Variants in ARID3B observed in about 807,000 individuals in gnomAD.
ARID3B encodes the protein AT-rich interactive domain-containing protein 3B.
A neutral mutation model predicts 51.9 loss-of-function variants in ARID3B; 10 were observed. The ratio of observed to expected loss-of-function variants is 0.19; its 90% CI spans 0.12 to 0.33. ARID3B has a LOEUF of 0.33. Ranked by LOEUF, ARID3B falls within the 10% of genes least tolerant of loss-of-function variation. The pLI, the probability that ARID3B is intolerant of heterozygous loss-of-function variation, is 1.00. For synonymous variants in ARID3B, 205 were observed against 279.5 expected, an observed-to-expected ratio of 0.73 and a Z score of 2.66; for missense variants, 483 against 716.3, an observed-to-expected ratio of 0.67 and a Z score of 3.72.
Position 74,569,157 on chromosome 15 carries a change from G to C in ARID3B, c.553-3705G>C, listed in dbSNP as rs374489966. Among the ~76,000 whole-genome samples, 13 of 152,184 alleles carry C rather than the reference G, an allele frequency of 8.5e-5. No homozygotes were observed. In the East Asian group the frequency reaches 1.5e-3, roughly 18 times the overall value. ...CAAGAAACCTGCTGCACACAAACTT[G>C]AATTGCATAAGTGAGCCATGTTTTA... On this transcript the variant is annotated intron_variant, in intron 2 of 8. Coordinates refer to ENST00000346246, the MANE Select transcript of ARID3B (RefSeq NM_006465.4).
At chr15:74,584,908 G>T (rs149420566) in intron 4 of ARID3B, among the ~76,000 whole-genome samples, 1 of 152,274 alleles carries the variant, frequency 6.6e-6, no homozygotes, top group East Asian at 1.9e-4. Flanking sequence ...TTTTACATCC[G>T]TCCCTCAGGC....
chr15:74,589,256 C>G (rs1051378697), intron 4 of ARID3B, among the ~76,000 whole-genome samples: 1 of 151,900 alleles, frequency 6.6e-6, no homozygotes, highest in Non-Finnish European at 1.5e-5. Context: ...GTCTCGATCT[C>G]CTGACCTCGT....
chr15:74,590,080 G>C, intron 5 of ARID3B, 77 bp downstream of exon 5: 9 of 1,405,916 alleles, frequency 6.4e-6, no homozygotes, highest in Non-Finnish European at 7.6e-6. Context: ...GAGGAAGGAA[G>C]GAAATTCCTT....
chr15:74,551,559 C>G (rs2061637520), intron 2 of ARID3B, among the ~76,000 whole-genome samples: 1 of 152,162 alleles, frequency 6.6e-6, no homozygotes, highest in African/African-American at 2.4e-5. Context: ...TCAGTGAACC[C>G]TCCATTTCCT....
At chr15:74,573,292 A>T in intron 4 of ARID3B, 88 bp downstream of exon 4, 1 of 1,385,132 alleles carries the variant, frequency 7.2e-7, no homozygotes, top group Non-Finnish European at 1.0e-6. Flanking sequence ...ATCCTGGCCC[A>T]CTAATCCTCA....
At position 74,593,204 on chromosome 15, in the gene ARID3B, T is replaced by C; in HGVS notation, c.1487T>C (p.Met496Thr). The C allele has an allele frequency of 6.2e-7, 1 of 1,613,640 alleles. No individual in the cohort carries two copies. The highest frequency in any genetic ancestry group is 8.5e-7 in the Non-Finnish European group (1 of 1,179,954). ...LTTSSIGSIN[M>T]SVDIDGTTYA... ...ACGAGTAGCATTGGGAGCATTAACA[T>C]GTCTGTGGACATCGATGGCACCACC... Residue 496 changes from methionine to threonine, a missense_variant, in exon 8 of 9, where the codon ATG (methionine) becomes ACG (threonine). Physicochemically the swap from Met to Thr is moderately conservative, Grantham distance 81. Transcript: ENST00000346246.
chr15:74,564,107 A>G (rs930321140), intron 2 of ARID3B, among the ~76,000 whole-genome samples: 21 of 152,338 alleles, frequency 1.4e-4, no homozygotes, highest in African/African-American at 4.3e-4. Flanking sequence ...GCATCTGATA[A>G]TTATAACTCT....
rs1157023563 is a variant in ARID3B at position 74,595,867 on chromosome 15, G to A, written c.*93G>A. 8.9e-6 allele frequency: 12 copies of A among 1,350,438 alleles called. No individual in the cohort carries two copies. The highest frequency in any genetic ancestry group is 6.2e-5 in the African/African-American group (4 of 64,150). The allele number at this position is 1,350,438 out of a possible 1,614,324, so 83.7% of individuals were successfully genotyped here. A position where few individuals can be genotyped will look rare whatever the true frequency, so the allele number is the denominator to read the frequency against. On this transcript the variant is annotated 3_prime_UTR_variant, in exon 9 of 9. Coordinates refer to ENST00000346246, the MANE Select transcript of ARID3B (RefSeq NM_006465.4). ...TACCTCATCTCACAGAGCCCACGTC[G>A]ACGAGCACCATTTGGCCAGACATTG...
chr15:74,562,121 G>A lies in ARID3B; in HGVS notation c.553-10741G>A, dbSNP rs567182767. On this transcript the variant is annotated intron_variant, in intron 2 of 8. Transcript: ENST00000346246. ...GTGTATTAAATGCATTTCCGACAAC[G>A]GTATTTTCTTTTCTTTTCTTTTCTT... is the stretch of plus-strand genomic sequence containing the variant. 8.7e-5 allele frequency among the ~76,000 whole-genome samples: 13 copies of A among 148,810 alleles called. No individual in the cohort carries two copies. In the South Asian group the frequency reaches 2.7e-3, roughly 31 times the overall value.
At chr15:74,562,563 T>C (rs2061682966) in intron 2 of ARID3B, among the ~76,000 whole-genome samples, 1 of 152,158 alleles carries the variant, frequency 6.6e-6, no homozygotes, top group African/African-American at 2.4e-5. Context: ...TGCTGCTCAC[T>C]GCAGCCTGGA....
intron 2 of ARID3B, among the ~76,000 whole-genome samples, chr15:74,564,910 G>A (rs1366199258): frequency 1.3e-5 from 2 of 151,994 alleles, no homozygotes; most frequent in African/African-American, 4.8e-5. Flanking sequence ...CTGAAGTCTA[G>A]TGATTTTCTA....
chr15:74,565,002 A>G (rs1235530338), intron 2 of ARID3B, among the ~76,000 whole-genome samples: 4 of 152,104 alleles, frequency 2.6e-5, no homozygotes, highest in Non-Finnish European at 5.9e-5. Context: ...TTTATAGAGA[A>G]TAGACACATT....
intron 4 of ARID3B, among the ~76,000 whole-genome samples, chr15:74,581,832 T>G (rs1241152952): frequency 6.6e-6 from 1 of 152,248 alleles, no homozygotes; most frequent in East Asian, 1.9e-4. Context: ...TTTGATAGTT[T>G]TGCCTCTTTT....
intron 2 of ARID3B, among the ~76,000 whole-genome samples, chr15:74,548,434 G>T (rs2061623759): frequency 6.6e-6 from 1 of 152,196 alleles, no homozygotes; most frequent in Non-Finnish European, 1.5e-5. Context: ...ACTGCATGTG[G>T]CTGTGATCCA....
chr15:74,570,511 T>C (rs1189050432), intron 2 of ARID3B, among the ~76,000 whole-genome samples: 2 of 137,844 alleles, frequency 1.5e-5, no homozygotes, highest in African/African-American at 2.7e-5. Context: ...TTTTCATCTC[T>C]CTTGGTGACT....
intron 2 of ARID3B, among the ~76,000 whole-genome samples, chr15:74,564,184 A>G (rs775673271): frequency 6.6e-6 from 1 of 152,204 alleles, no homozygotes; most frequent in Non-Finnish European, 1.5e-5. Flanking sequence ...AGGGTTTTGT[A>G]GTCCAACAGT....
intron 8 of ARID3B, among the ~76,000 whole-genome samples, chr15:74,594,582 A>C (rs2061817126): frequency 6.6e-6 from 1 of 152,264 alleles, no homozygotes; most frequent in South Asian, 2.1e-4. Context: ...AGACAGGCGA[A>C]AGCCCTACAA....
At chr15:74,545,778 A>G (rs1003726222) in intron 2 of ARID3B, among the ~76,000 whole-genome samples, 9 of 152,184 alleles carry the variant, frequency 5.9e-5, no homozygotes, top group Admixed American at 5.9e-4. Flanking sequence ...TGTACAGTAG[A>G]TCTGAGTTTT....
At chr15:74,544,544 C>G in intron 2 of ARID3B, 56 bp downstream of exon 2, 2 of 1,550,406 alleles carry the variant, frequency 1.3e-6, no homozygotes, top group Non-Finnish European at 1.7e-6. Flanking sequence ...AGAGAGGGGT[C>G]ATGGACTGAC....
Sources: gnomAD v4.1 joint callset for allele counts (sites outside exome capture counted in the v4.1 genomes callset) on GRCh38, gnomAD v4.1.1 for gene constraint, MANE v1.5 for transcripts, NCBI Gene and HGNC (gene_info 2026-07-23, HGNC 2026-07-21) for gene names.